Variants in WDTC1 observed in about 807,000 individuals in gnomAD.
WDTC1 encodes WD and tetratricopeptide repeats 1.
Under a neutral mutation model 76.0 loss-of-function variants are expected in WDTC1, and 12 were observed. The ratio of observed to expected loss-of-function variants is 0.16; its 90% CI spans 0.10 to 0.26. WDTC1 has a LOEUF of 0.26. Ranked by LOEUF, WDTC1 falls within the 10% of genes least tolerant of loss-of-function variation. The pLI, the probability that WDTC1 is intolerant of heterozygous loss-of-function variation, is 1.00. For synonymous variants in WDTC1, 326 were observed against 350.8 expected (o/e 0.93, Z 0.79); for missense variants, 511 against 908.8 (o/e 0.56, Z 5.63).
intron 1 of WDTC1, among the ~76,000 whole-genome samples, chr1:27,251,560 C>G (rs1557480211): frequency 6.6e-6 from 1 of 152,096 alleles, no homozygotes. Context: ...TGCCTCATGC[C>G]TGTCATTCCA....
Position 27,263,156 on chromosome 1 carries a change from G to T in WDTC1, c.53G>T (p.Arg18Leu), listed in dbSNP as rs778371995. ...GAATTTGTTTCTGTCCCCTAGGAGC[G>T]GGGTGCCCTGAGCTTTGAGCGGCGC... Reference protein sequence around the residue: ...RDLIRRQIKERGALSFERRYH... With the variant: ...RDLIRRQIKELGALSFERRYH... Residue 18 changes from arginine (R) to leucine (L), a missense_variant, in exon 3 of 16, where the codon CGG becomes CTG. Coordinates refer to ENST00000319394, the MANE Select transcript of WDTC1 (RefSeq NM_001276252.2). The T allele has an allele frequency of 6.2e-7, 1 of 1,612,978 alleles. No homozygotes were observed. Among genetic ancestry groups the T allele is most frequent in the Admixed American group, 1.7e-5 (1 of 59,958 alleles).
intron 5 of WDTC1, among the ~76,000 whole-genome samples, chr1:27,286,472 T>TC (rs1361255530): frequency 7.1e-6 from 1 of 141,706 alleles, no homozygotes; most frequent in African/African-American, 2.6e-5. Context: ...ATTTCCTTTT[T>TC]TTTTTTTTTT....
At chr1:27,284,268 G>A (rs1294464073) in intron 5 of WDTC1, among the ~76,000 whole-genome samples, 3 of 152,128 alleles carry the variant, frequency 2.0e-5, no homozygotes, top group Admixed American at 6.6e-5. Context: ...TTGTCCACTC[G>A]CCAGGTGCTT....
chr1:27,305,299 C>T lies in WDTC1; in HGVS notation c.1836+106C>T. 1 of 1,374,584 alleles carries T rather than the reference C, an allele frequency of 7.3e-7. No homozygotes were observed. Among genetic ancestry groups the T allele is most frequent in the African/African-American group, 1.5e-5 (1 of 68,754 alleles). The allele number at this position is 1,374,584 out of a possible 1,614,324, so 85.1% of individuals were successfully genotyped here. A position where few individuals can be genotyped will look rare whatever the true frequency, so the allele number is the denominator to read the frequency against. The stretch of plus-strand genomic sequence containing the variant: ...AAATGAGCCACCCAGAGGCTAGAAG[C>T]TGCTAAGTAAGCCTTACCCCGGGGC... On this transcript the variant is annotated intron_variant, in intron 15 of 15. Transcript: ENST00000319394. This position sits in a 1 kb window ranked among gnomAD's most constrained non-coding sequence, Gnocchi z 4.6.
At chr1:27,304,731 T>C (rs1487828958) in intron 14 of WDTC1, 1 of 337,990 alleles carries the variant, frequency 3.0e-6, no homozygotes, top group Non-Finnish European at 5.4e-6. Flanking sequence ...CGAGAGATGA[T>C]GTAAGATGAT....
At chr1:27,285,747 C>T (rs529054321) in intron 5 of WDTC1, among the ~76,000 whole-genome samples, 3 of 151,446 alleles carry the variant, frequency 2.0e-5, no homozygotes, top group Non-Finnish European at 2.9e-5. Context: ...CCACCACACC[C>T]GGCTAATTTT....
rs2013943272 is a variant in WDTC1 at position 27,305,928 on chromosome 1, C to A, written c.1837-258C>A. ...ATATCCTGGTGTGTACTGTCCCCCA[C>A]GTATATCCCAGCATGTTATGACCTG... On this transcript the variant is annotated intron_variant, in intron 15 of 15. Transcript: ENST00000319394. The surrounding 1 kb of genome is among the most constrained non-coding windows in gnomAD (Gnocchi z 4.6). Among the ~76,000 whole-genome samples the A allele has an allele frequency of 6.6e-6, 1 of 152,196 alleles. No individual in the cohort carries two copies. The highest frequency in any genetic ancestry group is 1.5e-5 in the Non-Finnish European group (1 of 68,002).
intron 3 of WDTC1, among the ~76,000 whole-genome samples, chr1:27,281,387 G>T (rs1352358009): frequency 1.3e-5 from 2 of 150,312 alleles, no homozygotes; most frequent in Non-Finnish European, 3.0e-5. Flanking sequence ...CCAGGAGGCG[G>T]AGGTTGCAGT....
At position 27,234,777 on chromosome 1, in the gene WDTC1, T is replaced by C; in HGVS notation, c.-274T>C. On this transcript the variant is annotated 5_prime_UTR_variant, in exon 1 of 16. Transcript: ENST00000319394. ...TGCGCAGGGGCGGGCGGAGGCGCTG[T>C]CCGGCCCCGGCCAGGCGCCGGGCGG... 2.5e-6 allele frequency: 1 copy of C among 397,420 alleles called. No individual in the cohort carries two copies. 24.6% of individuals were successfully genotyped at this position (397,420 alleles called of 1,614,324 possible). A position where few individuals can be genotyped will look rare whatever the true frequency, so the allele number is the denominator to read the frequency against.
At chr1:27,293,939 TA>T in intron 7 of WDTC1, 82 bp from the exon 8 acceptor site, 1 of 1,329,960 alleles carries the variant, frequency 7.5e-7, no homozygotes, top group East Asian at 2.3e-5. Flanking sequence ...GATACAAATG[TA>T]AGTTTTCGTC....
intron 3 of WDTC1, among the ~76,000 whole-genome samples, chr1:27,273,732 A>G (rs527610526): frequency 2.0e-5 from 3 of 152,178 alleles, no homozygotes; most frequent in Non-Finnish European, 4.4e-5. Flanking sequence ...CTTAAGAATT[A>G]TACACTGAAG....
At chr1:27,286,509 G>C (rs2013342756) in intron 5 of WDTC1, among the ~76,000 whole-genome samples, 1 of 113,014 alleles carries the variant, frequency 8.8e-6, no homozygotes, top group Non-Finnish European at 1.7e-5. Flanking sequence ...TCGCTCTGTT[G>C]CCCAGGCTGG....
At chr1:27,244,804 G>C (rs1449519094) in intron 1 of WDTC1, among the ~76,000 whole-genome samples, 1 of 152,184 alleles carries the variant, frequency 6.6e-6, no homozygotes, top group Non-Finnish European at 1.5e-5. Flanking sequence ...AATGTTGAAA[G>C]GGGGTCAGTT....
chr1:27,269,621 G>GTTTTTTTTTTTTT (rs538857228), intron 3 of WDTC1, among the ~76,000 whole-genome samples: 1 of 126,872 alleles, frequency 7.9e-6, no homozygotes, highest in Non-Finnish European at 1.6e-5. Context: ...TTTTTTTTCG[G>GTTTTTTTTTTTTT]TTTTTTTTTT....
rs200592908 is a variant in WDTC1, at chr1:27,303,261, CAAA to C, written c.1469-346_1469-344del. Among the ~76,000 whole-genome samples, 1 of 128,138 alleles carries C rather than the reference CAAA, an allele frequency of 7.8e-6. No homozygotes were observed. Among genetic ancestry groups the C allele is most frequent in the Admixed American group, 8.0e-5 (1 of 12,490 alleles). 84.1% of individuals were successfully genotyped at this position (128,138 alleles called of 152,430 possible). A position where few individuals can be genotyped will look rare whatever the true frequency, so the allele number is the denominator to read the frequency against. On this transcript the variant is annotated intron_variant, in intron 13 of 15. Coordinates refer to ENST00000319394, the MANE Select transcript of WDTC1 (RefSeq NM_001276252.2). This position sits in a 1 kb window ranked among gnomAD's most constrained non-coding sequence, Gnocchi z 4.8. The stretch of plus-strand genomic sequence containing the variant: ...TGCACTCCAGCCTGCGTGACCATCT[CAAA>C]AAAAAAAAAAAAAGTCATCCATTCT...
At chr1:27,277,934 G>T (rs940817026) in intron 3 of WDTC1, among the ~76,000 whole-genome samples, 1 of 152,136 alleles carries the variant, frequency 6.6e-6, no homozygotes, top group South Asian at 2.1e-4. Flanking sequence ...TCCACTTCCT[G>T]GTTTCAAGCG....
rs566742464 is a variant in WDTC1, at chr1:27,240,978, A to AAAC, written c.-100+6029_-100+6030insCAA. Among the ~76,000 whole-genome samples the AAAC allele has an allele frequency of 1.5e-3, 227 of 151,618 alleles. 2 individuals carry two copies. The highest frequency in any genetic ancestry group is 6.8e-3 in the Middle Eastern group (2 of 294). The stretch of plus-strand genomic sequence containing the variant: ...TGACAGTGAGACTCCATCTCAAAAA[A>AAAC]AAAAAACAAAAAAACTTTAAGCCTG... On this transcript the variant is annotated intron_variant, in intron 1 of 15. Transcript: ENST00000319394.
At chr1:27,294,703 C>G in intron 9 of WDTC1, 74 bp downstream of exon 9, 1 of 1,301,732 alleles carries the variant, frequency 7.7e-7, no homozygotes, top group South Asian at 1.2e-5. Context: ...ACCTTATGTT[C>G]ACTGCTGAGG....
Position 27,301,589 on chromosome 1 carries a change from C to G in WDTC1, c.1468+128C>G. The G allele has an allele frequency of 9.3e-7, 1 of 1,074,232 alleles. No individual in the cohort carries two copies. The allele number at this position is 1,074,232 out of a possible 1,614,324, so 66.5% of individuals were successfully genotyped here. A position where few individuals can be genotyped will look rare whatever the true frequency, so the allele number is the denominator to read the frequency against. Reference sequence around the variant, plus strand: ...AGATGTTGATTCAGAAACCATGCAACTTTGGGGCAGTTACTTGGTGTCTCT... The same window carrying G: ...AGATGTTGATTCAGAAACCATGCAAGTTTGGGGCAGTTACTTGGTGTCTCT... On this transcript the variant is annotated intron_variant, in intron 13 of 15. Transcript: ENST00000319394. The surrounding 1 kb of genome is among the most constrained non-coding windows in gnomAD (Gnocchi z 5.8).
Sources: allele counts gnomAD v4.1 joint callset (sites outside exome capture counted in the v4.1 genomes callset), GRCh38; gene constraint gnomAD v4.1.1; non-coding constraint Gnocchi (gnomAD v3.1); transcripts MANE v1.5; gene names NCBI Gene and HGNC (gene_info 2026-07-23, HGNC 2026-07-21).